The following ADAM12 variants were observed in gnomAD, a reference collection of about 807,000 sequenced individuals.
ADAM12 encodes the protein ADAM metallopeptidase domain 12.
Under a neutral mutation model 106.4 loss-of-function variants are expected in ADAM12, and 70 were observed. That is an observed-to-expected ratio of 0.66 (90% CI 0.54 to 0.80). ADAM12 has a LOEUF of 0.80. Ranked by LOEUF, ADAM12 falls within the 30% of genes least tolerant of loss-of-function variation. The pLI is 0.00. For missense variants in ADAM12, 1,010 were observed against 1,171.9 expected (o/e 0.86, Z 2.02); for synonymous variants, 420 against 433.5 (o/e 0.97, Z 0.39).
chr10:126,236,178 C>T (rs1958411830), intron 3 of ADAM12, among the ~76,000 whole-genome samples: 1 of 152,194 alleles, frequency 6.6e-6, no homozygotes, highest in Non-Finnish European at 1.5e-5. Context: ...GGAGCTCAGC[C>T]CAGAGAGTGT....
At chr10:126,238,593 C>T (rs1590664044) in intron 3 of ADAM12, among the ~76,000 whole-genome samples, 1 of 152,088 alleles carries the variant, frequency 6.6e-6, no homozygotes, top group African/African-American at 2.4e-5. Flanking sequence ...CTGCATGTTG[C>T]GTACTTTCAA....
intron 21 of ADAM12, among the ~76,000 whole-genome samples, chr10:126,030,407 T>G (rs1320462840): frequency 6.6e-6 from 1 of 152,194 alleles, no homozygotes; most frequent in Non-Finnish European, 1.5e-5. Context: ...CTAGTAACAG[T>G]GACGATTGCT....
chr10:126,233,127 G>A (rs1958345346), intron 3 of ADAM12, among the ~76,000 whole-genome samples: 1 of 152,200 alleles, frequency 6.6e-6, no homozygotes, highest in Admixed American at 6.5e-5. Flanking sequence ...GGCTTCATCA[G>A]TGAAGAGGTG....
chr10:126,328,121 T>C (rs1472141338), intron 2 of ADAM12, among the ~76,000 whole-genome samples: 3 of 152,244 alleles, frequency 2.0e-5, no homozygotes, highest in Non-Finnish European at 4.4e-5. Flanking sequence ...TTGTTGTTTT[T>C]TTCTTAACAC....
chr10:126,095,260 C>A (rs533165389), intron 10 of ADAM12, among the ~76,000 whole-genome samples: 2 of 151,964 alleles, frequency 1.3e-5, no homozygotes, highest in South Asian at 2.1e-4. Context: ...TCAGGCCAGG[C>A]GCAGTGGCTC....
intron 4 of ADAM12, among the ~76,000 whole-genome samples, chr10:126,152,314 A>C (rs1345713609): frequency 6.6e-6 from 1 of 152,000 alleles, no homozygotes; most frequent in Non-Finnish European, 1.5e-5. Context: ...GAAATCCTTT[A>C]ATTAGGAGCT....
chr10:126,037,377 G>T (rs1420257503), intron 20 of ADAM12, among the ~76,000 whole-genome samples: 2 of 150,786 alleles, frequency 1.3e-5, no homozygotes, highest in South Asian at 2.1e-4. Flanking sequence ...CTCGCTTATG[G>T]TTCCACCTTT....
chr10:126,266,974 T>G (rs1959109592), intron 3 of ADAM12, among the ~76,000 whole-genome samples: 1 of 152,194 alleles, frequency 6.6e-6, no homozygotes, highest in Non-Finnish European at 1.5e-5. Flanking sequence ...GGAGATTTGA[T>G]GGGACACAGA....
intron 3 of ADAM12, among the ~76,000 whole-genome samples, chr10:126,184,169 C>T (rs1957361292): frequency 1.3e-5 from 2 of 152,206 alleles, no homozygotes; most frequent in South Asian, 4.1e-4. Context: ...TCTTCTCCCC[C>T]AGTACCTTGG....
intron 5 of ADAM12, among the ~76,000 whole-genome samples, chr10:126,132,253 G>A (rs551429638): frequency 4.6e-5 from 7 of 152,264 alleles, no homozygotes; most frequent in South Asian, 4.1e-4. Flanking sequence ...GATTACAGGC[G>A]TGAGCCACCG....
chr10:126,136,151 C>T (rs1032474839), intron 4 of ADAM12, among the ~76,000 whole-genome samples: 2 of 142,300 alleles, frequency 1.4e-5, no homozygotes, highest in Non-Finnish European at 3.2e-5. Context: ...CACTGAATTA[C>T]CCAATTGAGA....
rs1360840424 is a variant in ADAM12, at chr10:126,066,382, C to T, written c.1413+335G>A. Among the ~76,000 whole-genome samples, 3 of 152,314 alleles carry T rather than the reference C, an allele frequency of 2.0e-5. No individual in the cohort carries two copies. The highest frequency in any genetic ancestry group is 2.1e-4 in the South Asian group (1 of 4,816). Reference sequence around the variant, plus strand: ...GTGACAGTGGATGGGGACTTGTTCTCGCCTTGCTCTTCTTGTCAGCATAGT... The same window carrying T: ...GTGACAGTGGATGGGGACTTGTTCTTGCCTTGCTCTTCTTGTCAGCATAGT... On this transcript the variant is annotated intron_variant, in intron 13 of 22. Coordinates refer to ENST00000448723, the MANE Select transcript of ADAM12 (RefSeq NM_001288973.2). The surrounding 1 kb of genome is among the most constrained non-coding windows in gnomAD (Gnocchi z 5.1).
intron 11 of ADAM12, among the ~76,000 whole-genome samples, chr10:126,089,936 C>G (rs537122326): frequency 6.6e-6 from 1 of 152,124 alleles, no homozygotes; most frequent in Non-Finnish European, 1.5e-5. Flanking sequence ...TCCTTCCAAC[C>G]TGCAATTTAT....
In ADAM12 at chr10:126,017,274, G is replaced by A; in HGVS notation, c.*5C>T. Reference sequence around the variant, plus strand: ...TCTTCACTGTTGAAAAAAGGTGTCGGCTTCTCACTTAATATAGGCGGTGTG... The same window carrying A: ...TCTTCACTGTTGAAAAAAGGTGTCGACTTCTCACTTAATATAGGCGGTGTG... On this transcript the variant is annotated 3_prime_UTR_variant, in exon 23 of 23. Transcript: ENST00000448723. 6.3e-7 allele frequency: 1 copy of A among 1,590,844 alleles called. No homozygotes were observed. The highest frequency in any genetic ancestry group is 8.6e-7 in the Non-Finnish European group (1 of 1,167,662).
At chr10:126,206,860 C>A (rs12573719) in intron 3 of ADAM12, among the ~76,000 whole-genome samples, 1,548 of 97,818 alleles carry the variant, frequency 0.016, 93 homozygotes, top group African/African-American at 0.054. Flanking sequence ...GTTGTGGGGG[C>A]GGGGGGGAGC....
At chr10:126,185,092 C>T (rs1425603566) in intron 3 of ADAM12, among the ~76,000 whole-genome samples, 3 of 152,268 alleles carry the variant, frequency 2.0e-5, no homozygotes, top group African/African-American at 7.2e-5. Context: ...CTTTCAGGAC[C>T]GTCTTGCACA....
At chr10:126,138,366 TTTTTA>T (rs1317539738) in intron 4 of ADAM12, among the ~76,000 whole-genome samples, 3 of 152,094 alleles carry the variant, frequency 2.0e-5, no homozygotes, top group African/African-American at 4.8e-5. Context: ...ACTTTCTTAA[TTTTTA>T]TTTTATTTAT....
chr10:126,095,602 C>T (rs910133927), intron 10 of ADAM12, among the ~76,000 whole-genome samples: 3 of 148,744 alleles, frequency 2.0e-5, no homozygotes, highest in African/African-American at 7.4e-5. Flanking sequence ...TGTATTAATC[C>T]ATTCATGGAC....
intron 3 of ADAM12, among the ~76,000 whole-genome samples, chr10:126,232,748 T>C (rs762443532): frequency 2.0e-5 from 3 of 152,172 alleles, no homozygotes; most frequent in Non-Finnish European, 4.4e-5. Context: ...CTTGTGAAGA[T>C]GACATATTAT....
Sources: gnomAD v4.1 joint callset for allele counts (sites outside exome capture counted in the v4.1 genomes callset) on GRCh38, gnomAD v4.1.1 for gene constraint, Gnocchi (gnomAD v3.1) non-coding constraint, MANE v1.5 for transcripts, NCBI Gene and HGNC (gene_info 2026-07-23, HGNC 2026-07-21) for gene names.